Variants in SLC1A6 observed in about 807,000 individuals in gnomAD.
SLC1A6 encodes solute carrier family 1 member 6, also known as excitatory amino acid transporter 4.
SLC1A6 carries 15 observed loss-of-function variants against 42.1 expected under a neutral mutation model. The observed-to-expected ratio is 0.36, with a 90% CI of 0.24 to 0.55. SLC1A6 has a LOEUF of 0.55. Among genes scored for constraint, SLC1A6 ranks in the 20% least tolerant of loss-of-function variants. SLC1A6 has a pLI of 0.88. For synonymous variants in SLC1A6, 317 were observed against 319.7 expected (o/e 0.99, Z 0.09); for missense variants, 542 against 772.5 (o/e 0.70, Z 3.54).
chr19:14,977,516 A>C (rs2045724631), intron 1 of SLC1A6: 1 of 152,260 alleles, frequency 6.6e-6, no homozygotes. Flanking sequence ...GCAGTGGCTC[A>C]TGCCTGCAAT....
At chr19:14,976,012 G>C (rs905377591) in intron 1 of SLC1A6, among the ~76,000 whole-genome samples, 2 of 152,074 alleles carry the variant, frequency 1.3e-5, no homozygotes. Context: ...CCAAGAAAGG[G>C]TGGTGCCCTT....
At position 14,956,550 on chromosome 19, in the gene SLC1A6, G is replaced by A. The variant is rs953303935; in HGVS notation, c.1095C>T (p.Val365=). 6.2e-7 allele frequency: 1 copy of A among 1,613,346 alleles called. No individual in the cohort carries two copies. Among genetic ancestry groups the A allele is most frequent in the African/African-American group, 1.3e-5 (1 of 74,872 alleles). The change falls in exon 7 of 10, where the codon GTC becomes GTT. Residue 365 remains valine (V), a synonymous_variant. Coordinates refer to ENST00000594383, the MANE Select transcript of SLC1A6 (RefSeq NM_005071.3). ...TGAAGGGGAAGGGGTTCCGGTGAGT[G>A]ACGAGGAAGTAGATGAGGGGAAGGA... ...GIVLPLIYFL[V]THRNPFPFIG... is the part of the protein sequence containing the mutation.
At chr19:14,980,084 A>G (rs2045757439), upstream of SLC1A6, 1 of 152,302 alleles carries the variant, frequency 6.6e-6, no homozygotes, top group Non-Finnish European at 1.5e-5. Context: ...CAGTAACAAC[A>G]GCCAGGGAGA....
At chr19:14,993,993 C>T (rs2045833311) in intron 1 of SLC1A6, among the ~76,000 whole-genome samples, 1 of 152,134 alleles carries the variant, frequency 6.6e-6, no homozygotes, top group South Asian at 2.1e-4. Flanking sequence ...AGCTAGCGGG[C>T]CTTTTGCAGT....
intron 1 of SLC1A6, among the ~76,000 whole-genome samples, chr19:15,000,299 G>A (rs957282758): frequency 6.6e-6 from 1 of 152,164 alleles, no homozygotes; most frequent in Admixed American, 6.5e-5. Flanking sequence ...TTGCCACGAT[G>A]TATAACAGAT....
chr19:14,984,859 A>G (rs2045785432), upstream of SLC1A6, among the ~76,000 whole-genome samples: 1 of 151,952 alleles, frequency 6.6e-6, no homozygotes, highest in African/African-American at 2.4e-5. Context: ...TTTAAAAATT[A>G]TAATTTTCAC....
At chr19:14,970,595 C>T (rs1015601055) in intron 3 of SLC1A6, among the ~76,000 whole-genome samples, 16 of 151,914 alleles carry the variant, frequency 1.1e-4, no homozygotes, top group Non-Finnish European at 1.2e-4. Flanking sequence ...CCTGTAGTTC[C>T]AGCTACTCAG....
intron 7 of SLC1A6, among the ~76,000 whole-genome samples, chr19:14,954,848 G>A (rs2045447138): frequency 6.6e-6 from 1 of 152,132 alleles, no homozygotes; most frequent in African/African-American, 2.4e-5. Context: ...CAATAGCTAA[G>A]GCCAATGACT....
At chr19:14,976,457 TC>T (rs1447492124) in intron 1 of SLC1A6, among the ~76,000 whole-genome samples, 3 of 152,218 alleles carry the variant, frequency 2.0e-5, no homozygotes, top group African/African-American at 7.2e-5. Flanking sequence ...TAATAAAGTG[TC>T]TTTTACAGCA....
At position 14,964,331 on chromosome 19, in the gene SLC1A6, G is replaced by A; in HGVS notation, c.579C>T (p.Ala193=). The change falls in exon 5 of 10, where the codon GCC becomes GCT. Residue 193 remains alanine, a synonymous_variant. Transcript: ENST00000594383. ...ACTTCCCCCTGACCTGTTTGAAGCA[G>A]GCCTCCACAAGGTTTGGTGGAAACA... ...RNMFPPNLVE[A]CFKQFKTQYS... is the part of the protein sequence containing the mutation. 1 of 1,613,786 alleles carries A rather than the reference G, an allele frequency of 6.2e-7. No individual in the cohort carries two copies. Among genetic ancestry groups the A allele is most frequent in the East Asian group, 2.2e-5 (1 of 44,876 alleles).
Position 14,979,431 on chromosome 19 carries a change from G to C in SLC1A6, c.-130C>G, listed in dbSNP as rs879717623. 1.7e-4 allele frequency: 26 copies of C among 152,154 alleles called. No homozygotes were observed. Among genetic ancestry groups the C allele is most frequent in the African/African-American group, 6.3e-4 (26 of 41,456 alleles). The allele number at this position is 152,154 out of a possible 1,614,324, so 9.4% of individuals were successfully genotyped here. A position where few individuals can be genotyped will look rare whatever the true frequency, so the allele number is the denominator to read the frequency against. ...AGCGCCCCACACGCCTGACCCCAGC[G>C]CCTCGGATCCCCCACCTGCCCGCAA... is the stretch of plus-strand genomic sequence containing the variant. On this transcript the variant is annotated 5_prime_UTR_variant, in exon 1 of 10. Transcript: ENST00000594383. This position sits in a 1 kb window ranked among gnomAD's most constrained non-coding sequence, Gnocchi z 4.2.
chr19:15,006,968 A>G (rs1306562627), intron 1 of SLC1A6, among the ~76,000 whole-genome samples: 2 of 151,966 alleles, frequency 1.3e-5, no homozygotes, highest in Non-Finnish European at 2.9e-5. Flanking sequence ...ATAAAATAAA[A>G]TAAAAATAAA....
chr19:14,951,153 G>A (rs1338235808), intron 9 of SLC1A6, among the ~76,000 whole-genome samples: 1 of 147,614 alleles, frequency 6.8e-6, no homozygotes, highest in Non-Finnish European at 1.5e-5. Context: ...TCGGGAGGCT[G>A]AGGCAGGAGA....
intron 1 of SLC1A6, among the ~76,000 whole-genome samples, chr19:14,996,490 T>TTTCTTTC (rs1600035918): frequency 1.3e-5 from 2 of 151,380 alleles, no homozygotes; most frequent in East Asian, 3.9e-4. Context: ...CTTCCCCTTC[T>TTTCTTTC]TTCTTTCCTC....
intron 1 of SLC1A6, among the ~76,000 whole-genome samples, chr19:14,992,479 G>C (rs1205368659): frequency 1.3e-5 from 2 of 151,990 alleles, no homozygotes; most frequent in Non-Finnish European, 2.9e-5. Flanking sequence ...AGTGGCTCAC[G>C]CCTGTAATCC....
At position 15,007,096 on chromosome 19, in the gene SLC1A6, C is replaced by T. The variant is rs149076722; in HGVS notation, c.6+3389G>A. On this transcript the variant is annotated intron_variant, in intron 1 of 8. Transcript: ENST00000430939. ...GGAATACAATGGTAAATAGGAGAGGCGAGGTCAATGCCCTCATGAAGCTCA... is the reference window on the plus strand; with the variant it reads ...GGAATACAATGGTAAATAGGAGAGGTGAGGTCAATGCCCTCATGAAGCTCA... Among the ~76,000 whole-genome samples, 308 of 152,210 alleles carry T rather than the reference C, an allele frequency of 2.0e-3. 1 individual carries two copies. Among genetic ancestry groups the T allele is most frequent in the African/African-American group, 7.2e-3 (299 of 41,512 alleles).
upstream of SLC1A6, among the ~76,000 whole-genome samples, chr19:14,982,049 C>A (rs2045770850): frequency 6.8e-6 from 1 of 147,152 alleles, no homozygotes. Flanking sequence ...CAGAGCGAGA[C>A]CCTGTCTCTA....
intron 7 of SLC1A6, among the ~76,000 whole-genome samples, chr19:14,955,081 A>T (rs550227236): frequency 6.6e-6 from 1 of 152,124 alleles, no homozygotes; most frequent in South Asian, 2.1e-4. Context: ...TGGGCATCTC[A>T]TTTGGGGTAA....
At chr19:14,950,486 A>C (rs1251939920) in intron 9 of SLC1A6, 96 bp from the exon 10 acceptor site, 4 of 850,814 alleles carry the variant, frequency 4.7e-6, no homozygotes, top group Non-Finnish European at 7.2e-6. Flanking sequence ...CCAGGGAGTC[A>C]GAGGGCTCCC....
Sources: gnomAD v4.1 joint callset for allele counts (sites outside exome capture counted in the v4.1 genomes callset) on GRCh38, gnomAD v4.1.1 for gene constraint, Gnocchi (gnomAD v3.1) non-coding constraint, MANE v1.5 for transcripts, NCBI Gene and HGNC (gene_info 2026-07-23, HGNC 2026-07-21) for gene names.